The following PARVB variants were observed in gnomAD, a reference collection of about 807,000 sequenced individuals.
PARVB encodes parvin beta.
Under a neutral mutation model 47.0 loss-of-function variants are expected in PARVB, and 46 were observed. That is an observed-to-expected ratio of 0.98 (90% CI 0.77 to 1.25). The LOEUF is 1.25. PARVB is among the 50% of genes most tolerant of loss of function. The probability of loss-of-function intolerance (pLI) is 0.00; values close to 1 mark genes in which losing one functional copy is unlikely to be tolerated. For missense variants in PARVB, 473 were observed against 471.6 expected (o/e 1.00, Z -0.03); for synonymous variants, 196 against 196.3 (o/e 1.00, Z 0.01).
intron 1 of PARVB, among the ~76,000 whole-genome samples, chr22:44,044,922 C>T (rs1432845618): frequency 6.6e-6 from 1 of 152,184 alleles, no homozygotes; most frequent in African/African-American, 2.4e-5. Context: ...TTCCTATAAG[C>T]ACACTGACGT....
intron 1 of PARVB, among the ~76,000 whole-genome samples, chr22:44,037,735 G>C (rs941433843): frequency 1.1e-4 from 16 of 152,336 alleles, no homozygotes; most frequent in Non-Finnish European, 2.1e-4. Flanking sequence ...CATCTTCCCA[G>C]CTGGCTCCTA....
At chr22:44,000,610 T>C (rs984490544) in intron 2 of PARVB, among the ~76,000 whole-genome samples, 4 of 152,226 alleles carry the variant, frequency 2.6e-5, no homozygotes, top group Non-Finnish European at 5.9e-5. Flanking sequence ...TTTGAAGTTG[T>C]TCGATTGACG....
rs1018378515 is a variant in PARVB, at chr22:44,100,198, A to G, written c.273+75A>G. 3 of 1,176,312 alleles carry G rather than the reference A, an allele frequency of 2.6e-6. No individual in the cohort carries two copies. In the Admixed American group the frequency reaches 5.1e-5, roughly 20 times the overall value. 72.9% of individuals were successfully genotyped at this position (1,176,312 alleles called of 1,614,324 possible). On this transcript the variant is annotated intron_variant, in intron 3 of 12. Transcript: ENST00000338758. ...GCTTTGGGGTTCAGGGCTCTCATGG[A>G]CAAAGGGAGCTAAACCCGGGGCTCC...
intron 2 of PARVB, among the ~76,000 whole-genome samples, chr22:44,016,236 A>G (rs1243837477): frequency 6.6e-6 from 1 of 151,844 alleles, no homozygotes; most frequent in Non-Finnish European, 1.5e-5. Context: ...AGCTGGGACT[A>G]CAGGCACCTG....
chr22:44,124,677 G>A (rs142712011), intron 4 of PARVB, among the ~76,000 whole-genome samples: 11 of 145,846 alleles, frequency 7.5e-5, no homozygotes, highest in Admixed American at 5.4e-4. Flanking sequence ...CCCGTGGGCC[G>A]TCCTGGAGGG....
chr22:44,164,167 C>G (rs1175175427), intron 12 of PARVB, among the ~76,000 whole-genome samples: 1 of 152,204 alleles, frequency 6.6e-6, no homozygotes, highest in Admixed American at 6.5e-5. Flanking sequence ...CTTTGAAGGA[C>G]GTGGCCTCTG....
intron 6 of PARVB, among the ~76,000 whole-genome samples, chr22:44,133,815 G>C (rs1443568386): frequency 6.6e-6 from 1 of 152,254 alleles, no homozygotes; most frequent in Admixed American, 6.5e-5. Flanking sequence ...GTGATTATAG[G>C]TGGGAGCTGC....
In PARVB at chr22:44,065,622, C is replaced by T. The variant is rs562353294; in HGVS notation, c.113-28306C>T. On this transcript the variant is annotated intron_variant, in intron 1 of 12. Transcript: ENST00000338758. ...AATATGTAGTCTTTTTATCCCTCAC[C>T]TACCTCCCACCCTTTCCCCAAGTCC... Among the ~76,000 whole-genome samples, 29 of 152,302 alleles carry T rather than the reference C, an allele frequency of 1.9e-4. No individual in the cohort carries two copies. In the South Asian group the frequency reaches 5.6e-3, roughly 29 times the overall value.
chr22:44,118,910 C>A, intron 3 of PARVB, 128 bp from the exon 4 acceptor site: 1 of 698,534 alleles, frequency 1.4e-6, no homozygotes, highest in East Asian at 2.6e-5. Flanking sequence ...AGCCTCTGTC[C>A]CTGTACTTGC....
chr22:44,069,958 G>A (rs1200298602), intron 1 of PARVB, among the ~76,000 whole-genome samples: 2 of 152,182 alleles, frequency 1.3e-5, no homozygotes, highest in African/African-American at 4.8e-5. Context: ...GTCAGTAGAA[G>A]GTGCTTTGCA....
chr22:44,070,047 G>T (rs73440616), intron 1 of PARVB, among the ~76,000 whole-genome samples: 1 of 152,332 alleles, frequency 6.6e-6, no homozygotes, highest in Admixed American at 6.5e-5. Context: ...CCCTATGTTC[G>T]ATTTTTCCTC....
At chr22:44,050,369 G>A (rs2051186533) in intron 1 of PARVB, among the ~76,000 whole-genome samples, 1 of 149,220 alleles carries the variant, frequency 6.7e-6, no homozygotes, top group African/African-American at 2.5e-5. Flanking sequence ...TTAAGACTGA[G>A]TTTCGCTCTT....
chr22:44,034,717 T>C (rs1417483469), intron 1 of PARVB, among the ~76,000 whole-genome samples: 1 of 149,438 alleles, frequency 6.7e-6, no homozygotes, highest in East Asian at 1.9e-4. Context: ...TTTTTTTTTT[T>C]TTTTTTTTTT....
At chr22:44,097,785 C>T (rs557161787) in intron 2 of PARVB, among the ~76,000 whole-genome samples, 10 of 152,208 alleles carry the variant, frequency 6.6e-5, no homozygotes, top group Non-Finnish European at 1.0e-4. Context: ...AGCTACCCCA[C>T]GGGGACAGGT....
chr22:44,168,493 T>G, intron 12 of PARVB, 109 bp from the exon 13 acceptor site: 1 of 757,024 alleles, frequency 1.3e-6, no homozygotes, highest in Non-Finnish European at 2.4e-6. Flanking sequence ...GGAAGCGCTG[T>G]GTGTGGATGC....
intron 1 of PARVB, among the ~76,000 whole-genome samples, chr22:44,024,782 C>T (rs1171721049): frequency 6.6e-6 from 1 of 152,088 alleles, no homozygotes; most frequent in Non-Finnish European, 1.5e-5. Flanking sequence ...CATAGCCAGC[C>T]GCGCGGGGTG....
At chr22:44,162,212 CTT>C (rs918382260) in intron 11 of PARVB, among the ~76,000 whole-genome samples, 7 of 152,342 alleles carry the variant, frequency 4.6e-5, no homozygotes, top group Non-Finnish European at 1.0e-4. Flanking sequence ...AGGGAAGCCT[CTT>C]TTTCCTGGTT....
At chr22:44,026,530 G>C (rs1363524623) in intron 1 of PARVB, among the ~76,000 whole-genome samples, 1 of 152,234 alleles carries the variant, frequency 6.6e-6, no homozygotes, top group African/African-American at 2.4e-5. Context: ...AAGTGGAAGA[G>C]TCAGGAAGAC....
At position 44,158,039 on chromosome 22, in the gene PARVB, C is replaced by T. The variant is rs772194669; in HGVS notation, c.901C>T (p.Pro301Ser). ...GGGCCTTCTGGAAGACTACTTTGTTCCTCTCCACCACTTCTACCTGACTCC... is the reference window on the plus strand; with the variant it reads ...GGGCCTTCTGGAAGACTACTTTGTTTCTCTCCACCACTTCTACCTGACTCC... Reference protein sequence around the residue: ...LMGLLEDYFVPLHHFYLTPES... With the variant: ...LMGLLEDYFVSLHHFYLTPES... Residue 301 changes from proline to serine, a missense_variant, in exon 11 of 13, where the codon CCT becomes TCT. Physicochemically the swap from Pro to Ser is moderately conservative, Grantham distance 74. Coordinates refer to ENST00000338758, the MANE Select transcript of PARVB (RefSeq NM_013327.5). 6.2e-7 allele frequency: 1 copy of T among 1,614,032 alleles called. No homozygotes were observed. The highest frequency in any genetic ancestry group is 8.5e-7 in the Non-Finnish European group (1 of 1,179,924).
Sources: allele counts gnomAD v4.1 joint callset (sites outside exome capture counted in the v4.1 genomes callset), GRCh38; gene constraint gnomAD v4.1.1; transcripts MANE v1.5; gene names NCBI Gene and HGNC (gene_info 2026-07-23, HGNC 2026-07-21).